Variants in IFT122 observed in about 807,000 individuals in gnomAD.
IFT122 encodes intraflagellar transport 122, also known as intraflagellar transport protein 122 homolog.
In IFT122, 118 loss-of-function variants were observed where a neutral mutation model predicts 161.6. The ratio of observed to expected loss-of-function variants is 0.73; its 90% CI spans 0.63 to 0.85. IFT122 has a LOEUF of 0.85. Among genes scored for constraint, IFT122 ranks in the 40% least tolerant of loss-of-function variants. The probability of loss-of-function intolerance (pLI) is 0.00; values close to 1 mark genes in which losing one functional copy is unlikely to be tolerated. For synonymous variants in IFT122, 550 were observed against 602.4 expected (o/e 0.91, Z 1.27); for missense variants, 1,381 against 1,579.6 (o/e 0.87, Z 2.13).
intron 18 of IFT122, among the ~76,000 whole-genome samples, chr3:129,497,051 T>C (rs1486461376): frequency 6.6e-6 from 1 of 152,130 alleles, no homozygotes; most frequent in East Asian, 1.9e-4. Context: ...GAGGCTGAAG[T>C]GGGTGGATTG....
rs2081701871 is a variant in IFT122 at position 129,502,601 on chromosome 3, C to T, written c.2376-110C>T. 10 of 1,251,740 alleles carry T rather than the reference C, an allele frequency of 8.0e-6. No homozygotes were observed. In the South Asian group the frequency reaches 8.4e-5, roughly 11 times the overall value. 77.5% of individuals were successfully genotyped at this position (1,251,740 alleles called of 1,614,324 possible). On this transcript the variant is annotated intron_variant, in intron 19 of 29. Coordinates refer to ENST00000348417, the MANE Select transcript of IFT122 (RefSeq NM_052989.3). ...TAATAACTACCCACTGAGCAACTCC[C>T]ATGGGCCATGGCATAGTATCAACAC...
At chr3:129,441,373 A>G (rs1479154914) in intron 1 of IFT122, among the ~76,000 whole-genome samples, 1 of 152,124 alleles carries the variant, frequency 6.6e-6, no homozygotes, top group African/African-American at 2.4e-5. Context: ...TGTGTTCGGC[A>G]CTAGTGGTAG....
intron 4 of IFT122, among the ~76,000 whole-genome samples, chr3:129,459,684 T>TCTTCCTTCCTTCCTTC (rs546625729): frequency 5.0e-5 from 2 of 39,740 alleles, no homozygotes; most frequent in Non-Finnish European, 9.0e-5. Context: ...CTCCCTCCCT[T>TCTTCCTTCCTTCCTTC]CTTCCTTCCT....
chr3:129,487,303 C>T (rs983301749), intron 15 of IFT122, among the ~76,000 whole-genome samples: 8 of 152,304 alleles, frequency 5.3e-5, no homozygotes, highest in African/African-American at 1.2e-4. Flanking sequence ...CATATACACG[C>T]GTGCATACAT....
At chr3:129,502,612 G>C in intron 19 of IFT122, 99 bp from the exon 20 acceptor site, 1 of 1,353,686 alleles carries the variant, frequency 7.4e-7, no homozygotes, top group Non-Finnish European at 1.0e-6. Flanking sequence ...ATGGGCCATG[G>C]CATAGTATCA....
At chr3:129,510,917 C>T (rs557484899) in intron 23 of IFT122, among the ~76,000 whole-genome samples, 1 of 152,280 alleles carries the variant, frequency 6.6e-6, no homozygotes, top group East Asian at 1.9e-4. Context: ...TCAGGGGAAA[C>T]GTTTAGAGGC....
chr3:129,453,809 T>C (rs1215386491), intron 3 of IFT122, among the ~76,000 whole-genome samples: 1 of 151,976 alleles, frequency 6.6e-6, no homozygotes, highest in African/African-American at 2.4e-5. Context: ...AAATTTATTT[T>C]AAAATAAATC....
Position 129,520,465 on chromosome 3 carries a change from G to T in IFT122, c.*200G>T, listed in dbSNP as rs921910719. On this transcript the variant is annotated 3_prime_UTR_variant, in exon 30 of 30. Coordinates refer to ENST00000348417, the MANE Select transcript of IFT122 (RefSeq NM_052989.3). ...AAATAGCACCAGGAGATGAGGAAGA[G>T]AATGTACATATATTTTCTAAGGAAA... 2.2e-5 allele frequency: 14 copies of T among 634,716 alleles called. No individual in the cohort carries two copies. Among genetic ancestry groups the T allele is most frequent in the African/African-American group, 1.3e-4 (7 of 55,088 alleles). 39.3% of individuals were successfully genotyped at this position (634,716 alleles called of 1,614,324 possible). A position where few individuals can be genotyped will look rare whatever the true frequency, so the allele number is the denominator to read the frequency against.
In IFT122 at chr3:129,458,589, A is replaced by G; in HGVS notation, c.194-10A>G. 6.2e-7 allele frequency: 1 copy of G among 1,612,630 alleles called. No homozygotes were observed. The highest frequency in any genetic ancestry group is 8.5e-7 in the Non-Finnish European group (1 of 1,178,632). On this transcript the variant is annotated splice_polypyrimidine_tract_variant and intron_variant, in intron 3 of 29. Coordinates refer to ENST00000348417, the MANE Select transcript of IFT122 (RefSeq NM_052989.3). ...AAATGTAAGACTTTCCATTTTACAA[A>G]CACTTTTAGGCAAGCGCTTTGCTTC...
At position 129,502,722 on chromosome 3, in the gene IFT122, T is replaced by G. The variant is rs1481541256; in HGVS notation, c.2387T>G (p.Ile796Ser). 3 of 1,607,852 alleles carry G rather than the reference T, an allele frequency of 1.9e-6. No homozygotes were observed. Among genetic ancestry groups the G allele is most frequent in the Non-Finnish European group, 2.5e-6 (3 of 1,179,988 alleles). Residue 796 changes from isoleucine to serine, a missense_variant, in exon 20 of 30, where the codon ATC (isoleucine) becomes AGC (serine). Physicochemically the swap from Ile to Ser is moderately radical, Grantham distance 142 (BLOSUM62 -2). Coordinates refer to ENST00000348417, the MANE Select transcript of IFT122 (RefSeq NM_052989.3). ...DHGWVDMLIDIARKLDKAERE... is the reference protein window; with the variant it reads ...DHGWVDMLIDSARKLDKAERE... ...CCTTCCCTCTCCAGGTTGATCGACA[T>G]CGCCCGCAAACTGGACAAGGCTGAG... is the stretch of plus-strand genomic sequence containing the variant.
chr3:129,510,364 C>G (rs1168565836), intron 23 of IFT122, among the ~76,000 whole-genome samples: 1 of 152,216 alleles, frequency 6.6e-6, no homozygotes, highest in African/African-American at 2.4e-5. Flanking sequence ...AGGCTCTGTG[C>G]ATGCCGTCAG....
chr3:129,463,512 G>T lies in IFT122; in HGVS notation c.350-48G>T, dbSNP rs1482731083. On this transcript the variant is annotated intron_variant, in intron 5 of 29. Coordinates refer to ENST00000348417, the MANE Select transcript of IFT122 (RefSeq NM_052989.3). ...ATTATTTGTTCCTTTTTATTGCTGG[G>T]TAGTATTCCAACCAATCCATCTTCT... 2.8e-6 allele frequency: 4 copies of T among 1,435,406 alleles called. No homozygotes were observed. The African/African-American group carries it at 5.6e-5, about 20-fold the overall frequency. 88.9% of individuals were successfully genotyped at this position (1,435,406 alleles called of 1,614,324 possible).
chr3:129,474,091 A>G (rs912893874), intron 9 of IFT122, among the ~76,000 whole-genome samples: 5 of 152,330 alleles, frequency 3.3e-5, no homozygotes, highest in South Asian at 4.1e-4. Context: ...TGAAATTCCT[A>G]TACAGGAAAG....
At chr3:129,463,507 G>A (rs547424038) in intron 5 of IFT122, 53 bp from the exon 6 acceptor site, 1 of 1,386,630 alleles carries the variant, frequency 7.2e-7, no homozygotes, top group East Asian at 2.3e-5. Context: ...CCTTTTTATT[G>A]CTGGGTAGTA....
intron 23 of IFT122, among the ~76,000 whole-genome samples, chr3:129,511,023 G>A (rs1308159043): frequency 2.0e-5 from 3 of 152,190 alleles, no homozygotes; most frequent in Non-Finnish European, 2.9e-5. Flanking sequence ...TAGGAAGGGT[G>A]TTTGTGGCAA....
intron 17 of IFT122, among the ~76,000 whole-genome samples, chr3:129,493,410 C>G (rs778969921): frequency 6.6e-6 from 1 of 152,220 alleles, no homozygotes; most frequent in Non-Finnish European, 1.5e-5. Context: ...ATAACGTAAT[C>G]TGCTCTGTGC....
At chr3:129,459,144 A>G (rs2075870379) in intron 4 of IFT122, among the ~76,000 whole-genome samples, 1 of 152,266 alleles carries the variant, frequency 6.6e-6, no homozygotes, top group East Asian at 1.9e-4. Context: ...GTTTCTTTGT[A>G]AGGACTTTCC....
intron 7 of IFT122, among the ~76,000 whole-genome samples, chr3:129,466,495 C>CTTTTTTTTTTTTTTTTTT (rs527470540): frequency 9.8e-6 from 1 of 102,178 alleles, no homozygotes; most frequent in Non-Finnish European, 1.9e-5. Flanking sequence ...TATTTTTATT[C>CTTTTTTTTTTTTTTTTTT]TTTTTTTTTT....
intron 2 of IFT122, among the ~76,000 whole-genome samples, chr3:129,451,054 A>G (rs2074771781): frequency 6.6e-6 from 1 of 151,946 alleles, no homozygotes; most frequent in South Asian, 2.1e-4. Flanking sequence ...ACATAGTGAT[A>G]GATGTCACAT....
Sources: allele counts gnomAD v4.1 joint callset (sites outside exome capture counted in the v4.1 genomes callset), GRCh38; gene constraint gnomAD v4.1.1; transcripts MANE v1.5; gene names NCBI Gene and HGNC (gene_info 2026-07-23, HGNC 2026-07-21).